The following LRRC49 variants were observed in gnomAD, a reference collection of about 807,000 sequenced individuals.
LRRC49 encodes leucine rich repeat containing 49.
LRRC49 carries 50 observed loss-of-function variants against 83.3 expected under a neutral mutation model. The observed-to-expected ratio is 0.60, with a 90% CI of 0.48 to 0.76. LRRC49 has a LOEUF of 0.76. Ranked by LOEUF, LRRC49 falls within the 30% of genes least tolerant of loss-of-function variation. LRRC49 has a pLI of 0.00. For missense variants in LRRC49, 704 were observed against 809.1 expected, an observed-to-expected ratio of 0.87 and a Z score of 1.58; for synonymous variants, 286 against 283.3, an observed-to-expected ratio of 1.01 and a Z score of -0.10.
chr15:70,940,540 C>T (rs945181773), intron 8 of LRRC49, among the ~76,000 whole-genome samples: 1 of 152,144 alleles, frequency 6.6e-6, no homozygotes, highest in African/African-American at 2.4e-5. Context: ...ACTGCGCCGG[C>T]CTATATGGAT....
At chr15:71,022,439 A>G (rs2039023456) in intron 14 of LRRC49, among the ~76,000 whole-genome samples, 1 of 152,212 alleles carries the variant, frequency 6.6e-6, no homozygotes, top group African/African-American at 2.4e-5. Context: ...GTTCAACTAT[A>G]TGTTGTTTAC....
intron 11 of LRRC49, among the ~76,000 whole-genome samples, chr15:70,997,594 T>C (rs1169431547): frequency 2.0e-5 from 3 of 152,026 alleles, no homozygotes; most frequent in Admixed American, 1.3e-4. Flanking sequence ...CTACTAAAAA[T>C]ATGAAAATTA....
intron 7 of LRRC49, among the ~76,000 whole-genome samples, chr15:70,919,942 T>C (rs1008083877): frequency 7.2e-5 from 11 of 152,156 alleles, no homozygotes; most frequent in African/African-American, 2.7e-4. Context: ...TTGCTGAAGG[T>C]CAGCAACTAA....
At chr15:70,951,684 A>G (rs2036221973) in intron 8 of LRRC49, among the ~76,000 whole-genome samples, 1 of 152,076 alleles carries the variant, frequency 6.6e-6, no homozygotes. Flanking sequence ...TTTCCTAGGT[A>G]TAGAATTATA....
At chr15:70,972,767 T>G (rs932888754) in intron 9 of LRRC49, among the ~76,000 whole-genome samples, 1 of 152,088 alleles carries the variant, frequency 6.6e-6, no homozygotes, top group East Asian at 1.9e-4. Flanking sequence ...TTCCTCTGCT[T>G]GATCGATTTA....
chr15:70,903,233 A>G (rs577469733), intron 4 of LRRC49, among the ~76,000 whole-genome samples: 1 of 152,122 alleles, frequency 6.6e-6, no homozygotes, highest in South Asian at 2.1e-4. Flanking sequence ...CTTATAATTT[A>G]TTAATTTATA....
chr15:70,886,761 G>A (rs542338506), intron 2 of LRRC49, among the ~76,000 whole-genome samples: 156 of 152,194 alleles, frequency 1.0e-3, no homozygotes, highest in Non-Finnish European at 1.8e-3. Context: ...AGCTACTCGG[G>A]AGGCTGAGAC....
chr15:70,892,989 C>G, intron 1 of LRRC49, 47 bp downstream of exon 1: 1 of 1,600,340 alleles, frequency 6.2e-7, no homozygotes, highest in Non-Finnish European at 8.6e-7. Flanking sequence ...GGTACTCTTT[C>G]TGACTGGCGT....
Position 70,882,564 on chromosome 15 carries a change from G to C in LRRC49, c.18+9341G>C, listed in dbSNP as rs746416963. On this transcript the variant is annotated intron_variant, in intron 2 of 16. Coordinates refer to the LRRC49 transcript ENST00000544974. ...GAATCACTGGAGTAAATGTCAAAGA[G>C]AGAGGAAGTTCTAGACCACAATTCC... 2.5e-5 allele frequency: 41 copies of C among 1,613,476 alleles called. No individual in the cohort carries two copies. Among genetic ancestry groups the C allele is most frequent in the Admixed American group, 8.3e-5 (5 of 60,004 alleles).
intron 8 of LRRC49, among the ~76,000 whole-genome samples, chr15:70,948,495 GTT>G (rs34256149): frequency 5.7e-5 from 8 of 140,730 alleles, no homozygotes; most frequent in African/African-American, 7.9e-5. Flanking sequence ...CATTAGCAAA[GTT>G]TTTTTTTTTT....
chr15:70,854,377 C>T (rs1395383686), intron 1 of LRRC49, among the ~76,000 whole-genome samples: 1 of 152,172 alleles, frequency 6.6e-6, no homozygotes, highest in Non-Finnish European at 1.5e-5. Flanking sequence ...CCGCGACCCC[C>T]GATCACTCCC....
chr15:70,858,951 G>A, intron 1 of LRRC49: 1 of 813,284 alleles, frequency 1.2e-6, no homozygotes, highest in Non-Finnish European at 2.2e-6. Flanking sequence ...TAACCTGGAG[G>A]TGGACCCCAA....
intron 11 of LRRC49, among the ~76,000 whole-genome samples, chr15:71,007,184 T>C (rs1320588044): frequency 6.6e-6 from 1 of 152,010 alleles, no homozygotes; most frequent in Non-Finnish European, 1.5e-5. Context: ...ATAAGTATGA[T>C]AAACAACAGG....
At chr15:71,009,389 C>T (rs569941660) in intron 12 of LRRC49, among the ~76,000 whole-genome samples, 255 of 151,938 alleles carry the variant, frequency 1.7e-3, no homozygotes, top group Non-Finnish European at 2.9e-3. Flanking sequence ...CTAACTAGTT[C>T]TTCTCAGGAA....
At chr15:70,914,114 A>G (rs999097711) in intron 6 of LRRC49, among the ~76,000 whole-genome samples, 2 of 152,060 alleles carry the variant, frequency 1.3e-5, no homozygotes, top group Non-Finnish European at 2.9e-5. Flanking sequence ...CTGGAAGAAG[A>G]AAGTTTTAAA....
At chr15:71,007,459 T>G (rs2141259658) in intron 11 of LRRC49, among the ~76,000 whole-genome samples, 1 of 151,860 alleles carries the variant, frequency 6.6e-6, no homozygotes, top group Middle Eastern at 3.4e-3. Context: ...CTAATTTTAG[T>G]AGGGGCAAAT....
chr15:70,941,526 A>T (rs2035815058), intron 8 of LRRC49, among the ~76,000 whole-genome samples: 1 of 151,642 alleles, frequency 6.6e-6, no homozygotes, highest in African/African-American at 2.4e-5. Flanking sequence ...AGAAAAAAAG[A>T]AAAGGGGGCC....
chr15:70,901,002 T>A lies in LRRC49; in HGVS notation c.274T>A (p.Ser92Thr). The change falls in exon 4 of 16, where the codon TCA becomes ACA. Residue 92 changes from serine (S) to threonine (T), a missense_variant. Physicochemically the swap from Ser to Thr is moderately conservative, Grantham distance 58. Transcript: ENST00000260382. ...QRSSEEKILY[S>T]DRLSLERQKL... ...TTCTTCTGAAGAGAAAATTCTTTAC[T>A]CAGACAGGTTGAGCCTAGAAAGGTG... 6.2e-7 allele frequency: 1 copy of A among 1,609,050 alleles called. No individual in the cohort carries two copies. Among genetic ancestry groups the A allele is most frequent in the African/African-American group, 1.3e-5 (1 of 74,820 alleles).
chr15:70,888,826 T>G (rs896827709), upstream of LRRC49, among the ~76,000 whole-genome samples: 5 of 152,202 alleles, frequency 3.3e-5, no homozygotes, highest in African/African-American at 2.4e-5. Context: ...GAAGGCTACC[T>G]AAATATCCAA....
Sources: gnomAD v4.1 joint callset for allele counts (sites outside exome capture counted in the v4.1 genomes callset) on GRCh38, gnomAD v4.1.1 for gene constraint, MANE v1.5 for transcripts, NCBI Gene and HGNC (gene_info 2026-07-23, HGNC 2026-07-21) for gene names.